The following MIGA1 variants were observed in gnomAD, a reference collection of about 807,000 sequenced individuals.
MIGA1 encodes the protein mitoguardin 1.
A neutral mutation model predicts 82.0 loss-of-function variants in MIGA1; 58 were observed. The observed-to-expected ratio is 0.71, with a 90% CI of 0.57 to 0.88. The LOEUF (loss-of-function observed/expected upper bound fraction) is 0.88. MIGA1 is among the 40% of genes least tolerant of loss of function. The probability of loss-of-function intolerance (pLI) is 0.00; values close to 1 mark genes in which losing one functional copy is unlikely to be tolerated. For missense variants in MIGA1, 751 were observed against 749.1 expected (o/e 1.00, Z -0.03); for synonymous variants, 249 against 253.6 (o/e 0.98, Z 0.17).
At chr1:77,836,742 A>G (rs1417359755) in intron 7 of MIGA1, among the ~76,000 whole-genome samples, 1 of 152,250 alleles carries the variant, frequency 6.6e-6, no homozygotes, top group South Asian at 2.1e-4. Flanking sequence ...TACCCATTAC[A>G]TTACTGTATG....
At chr1:77,859,249 C>G in intron 9 of MIGA1, 65 bp from the exon 10 acceptor site, 1 of 1,347,766 alleles carries the variant, frequency 7.4e-7, no homozygotes, top group Non-Finnish European at 1.1e-6. Context: ...TTGTTTGAAT[C>G]CAAATTTATA....
chr1:77,866,485 C>A, intron 14 of MIGA1, 94 bp downstream of exon 14: 2 of 1,168,310 alleles, frequency 1.7e-6, no homozygotes, highest in African/African-American at 1.5e-5. Context: ...GAATTGGCAG[C>A]TGTAGGAGGG....
intron 15 of MIGA1, among the ~76,000 whole-genome samples, chr1:77,874,256 A>C (rs1646876104): frequency 6.6e-6 from 1 of 152,126 alleles, no homozygotes; most frequent in Admixed American, 6.6e-5. Flanking sequence ...TGTATATAAT[A>C]ACTTACTGAA....
At chr1:77,859,262 A>G (rs1292976175) in intron 9 of MIGA1, 52 bp from the exon 10 acceptor site, 71 of 1,426,398 alleles carry the variant, frequency 5.0e-5, no homozygotes, top group Non-Finnish European at 6.8e-5. Flanking sequence ...AATTTATAGT[A>G]GGCTTGATCT....
chr1:77,802,663 T>C (rs1682931884), intron 3 of MIGA1, among the ~76,000 whole-genome samples: 2 of 151,840 alleles, frequency 1.3e-5, no homozygotes, highest in East Asian at 3.9e-4. Context: ...AGCTAGCTAG[T>C]CCCAGCTACT....
chr1:77,873,676 AG>A (rs1646868376), intron 15 of MIGA1, among the ~76,000 whole-genome samples: 1 of 152,230 alleles, frequency 6.6e-6, no homozygotes, highest in Non-Finnish European at 1.5e-5. Context: ...CAAAGTGACA[AG>A]GAAAGTCTCG....
At chr1:77,857,782 T>A (rs1685320641) in intron 8 of MIGA1, among the ~76,000 whole-genome samples, 1 of 151,234 alleles carries the variant, frequency 6.6e-6, no homozygotes, top group Non-Finnish European at 1.5e-5. Flanking sequence ...AATTGTTTTT[T>A]AATGAACTGT....
At chr1:77,807,896 G>A (rs950987008) in intron 5 of MIGA1, among the ~76,000 whole-genome samples, 26 of 152,038 alleles carry the variant, frequency 1.7e-4, no homozygotes, top group Admixed American at 5.9e-4. Context: ...TCGGCTCACC[G>A]CAACCTCCAC....
At chr1:77,870,085 G>T (rs1289716691) in intron 14 of MIGA1, among the ~76,000 whole-genome samples, 1 of 113,722 alleles carries the variant, frequency 8.8e-6, no homozygotes, top group Non-Finnish European at 1.9e-5. Context: ...CTGGCCGGGC[G>T]GGGGGCTGAC....
intron 2 of MIGA1, among the ~76,000 whole-genome samples, chr1:77,784,487 AAGT>A (rs1375146458): frequency 6.6e-6 from 1 of 152,064 alleles, no homozygotes; most frequent in Admixed American, 6.6e-5. Context: ...TGACCTCCTA[AAGT>A]ACTGGGATTA....
At chr1:77,857,933 G>T (rs1485511050) in intron 8 of MIGA1, among the ~76,000 whole-genome samples, 1 of 152,026 alleles carries the variant, frequency 6.6e-6, no homozygotes, top group Non-Finnish European at 1.5e-5. Flanking sequence ...TGTTGTTTTT[G>T]TACTAAGTTT....
rs191811793 is a variant in MIGA1 at position 77,830,947 on chromosome 1, A to T, written c.896-12360A>T. Among the ~76,000 whole-genome samples, 9 of 152,304 alleles carry T rather than the reference A, an allele frequency of 5.9e-5. No individual in the cohort carries two copies. In the East Asian group the frequency reaches 1.7e-3, roughly 29 times the overall value. On this transcript the variant is annotated intron_variant, in intron 7 of 15. Transcript: ENST00000370791. Reference sequence around the variant, plus strand: ...CAGGTTGCTTGTAGTCTGGTGGGGTAACTAACACTTACACTTATGGAGCAG... The same window carrying T: ...CAGGTTGCTTGTAGTCTGGTGGGGTTACTAACACTTACACTTATGGAGCAG...
At chr1:77,822,979 A>G (rs571842471) in intron 7 of MIGA1, among the ~76,000 whole-genome samples, 1 of 151,160 alleles carries the variant, frequency 6.6e-6, no homozygotes, top group South Asian at 2.1e-4. Flanking sequence ...AATAGTTGGT[A>G]TTATAGGCGT....
chr1:77,780,008 G>A (rs1293781479), intron 1 of MIGA1: 2 of 1,217,588 alleles, frequency 1.6e-6, no homozygotes, highest in African/African-American at 1.6e-5. Flanking sequence ...CCCCACGCCA[G>A]AGGGAGGCCT....
intron 7 of MIGA1, among the ~76,000 whole-genome samples, chr1:77,842,605 T>A (rs899758451): frequency 3.3e-5 from 5 of 152,220 alleles, no homozygotes; most frequent in Non-Finnish European, 5.9e-5. Context: ...TGGAGTGCAG[T>A]GGTGTGATCT....
At chr1:77,859,904 T>A (rs1287765925) in intron 10 of MIGA1, 136 bp from the exon 11 acceptor site, 5 of 597,000 alleles carry the variant, frequency 8.4e-6, no homozygotes, top group Non-Finnish European at 1.5e-5. Flanking sequence ...ATTAGGACTT[T>A]CTCTGTGAGC....
At chr1:77,789,456 C>T (rs991581321) in intron 2 of MIGA1, among the ~76,000 whole-genome samples, 7 of 152,014 alleles carry the variant, frequency 4.6e-5, no homozygotes, top group African/African-American at 7.2e-5. Flanking sequence ...GCGATCCTCC[C>T]GTATTGGCCT....
rs1646884432 is a variant in MIGA1, at chr1:77,875,122, ATTTTGTAACATATATTACAAAGTT to A, written c.*59_*82del. ...ATGAAATATTTTAAGGTAACTATTG[ATTTTGTAACATATATTACAAAGTT>A]AACAGAATTGATGCATGTGGATTCA... On this transcript the variant is annotated 3_prime_UTR_variant, in exon 16 of 16. Transcript: ENST00000370791. The A allele has an allele frequency of 7.5e-7, 1 of 1,330,948 alleles. No homozygotes were observed. The highest frequency in any genetic ancestry group is 1.5e-5 in the African/African-American group (1 of 68,386). The allele number at this position is 1,330,948 out of a possible 1,614,324, so 82.4% of individuals were successfully genotyped here. A position where few individuals can be genotyped will look rare whatever the true frequency, so the allele number is the denominator to read the frequency against.
intron 5 of MIGA1, chr1:77,811,765 C>T (rs947920579): frequency 1.6e-5 from 26 of 1,598,992 alleles, no homozygotes; most frequent in South Asian, 3.3e-5. Flanking sequence ...CAGCAGACTC[C>T]GGGTCACCTC....
Sources: allele counts gnomAD v4.1 joint callset (sites outside exome capture counted in the v4.1 genomes callset), GRCh38; gene constraint gnomAD v4.1.1; transcripts MANE v1.5; gene names NCBI Gene and HGNC (gene_info 2026-07-23, HGNC 2026-07-21).